E2F3: variants seen among roughly 807,000 people sequenced by gnomAD.
E2F3 encodes the protein transcription factor E2F3.
E2F3 carries 11 observed loss-of-function variants against 44.4 expected under a neutral mutation model. The observed-to-expected ratio is 0.25, with a 90% CI of 0.16 to 0.41. The LOEUF (loss-of-function observed/expected upper bound fraction) is 0.41. Ranked by LOEUF, E2F3 falls within the 10% of genes least tolerant of loss-of-function variation. E2F3 has a pLI of 1.00. For synonymous variants in E2F3, 249 were observed against 253.0 expected (o/e 0.98, Z 0.15); for missense variants, 487 against 583.6 (o/e 0.83, Z 1.70).
intron 1 of E2F3, among the ~76,000 whole-genome samples, chr6:20,471,841 A>G (rs1279352391): frequency 6.6e-6 from 1 of 152,198 alleles, no homozygotes; most frequent in East Asian, 1.9e-4. Context: ...CACCATTAAC[A>G]TTTGGTGTGG....
chr6:20,415,748 G>T (rs1471609989), intron 1 of E2F3, among the ~76,000 whole-genome samples: 1 of 152,156 alleles, frequency 6.6e-6, no homozygotes, highest in East Asian at 1.9e-4. Flanking sequence ...CCAGAACTGG[G>T]ATCCACTGCC....
chr6:20,490,228 C>T lies in E2F3; in HGVS notation c.1196C>T (p.Pro399Leu). Reference protein sequence around the residue: ...DCSVSMGNLSPLASPANLLQQ... With the variant: ...DCSVSMGNLSLLASPANLLQQ... ...TCAGTTTCTATGGGAAACCTTTCTC[C>T]TCTGGCCTCCCCAGCCAACCTCTTA... The change falls in exon 7 of 7, where the codon CCT becomes CTT. Residue 399 changes from proline (P) to leucine (L), a missense_variant. By Grantham distance (98) the Pro-to-Leu change is moderately conservative. Coordinates refer to ENST00000346618, the MANE Select transcript of E2F3 (RefSeq NM_001949.5). The surrounding 1 kb of genome is among the most constrained non-coding windows in gnomAD (Gnocchi z 4.3). 6.8e-6 allele frequency: 11 copies of T among 1,614,080 alleles called. No individual in the cohort carries two copies. Among genetic ancestry groups the T allele is most frequent in the Non-Finnish European group, 9.3e-6 (11 of 1,179,984 alleles).
intron 1 of E2F3, among the ~76,000 whole-genome samples, chr6:20,468,051 G>A (rs768832587): frequency 6.6e-6 from 1 of 152,160 alleles, no homozygotes; most frequent in Non-Finnish European, 1.5e-5. Context: ...GAACAAACTC[G>A]GTTTCTCCCA....
intron 1 of E2F3, among the ~76,000 whole-genome samples, chr6:20,467,335 T>C (rs565332251): frequency 6.6e-5 from 10 of 152,312 alleles, no homozygotes; most frequent in Admixed American, 3.9e-4. Flanking sequence ...GTATCAGCTG[T>C]TTCAGCTTGA....
At chr6:20,473,758 A>T (rs1489406234) in intron 1 of E2F3, among the ~76,000 whole-genome samples, 1 of 152,160 alleles carries the variant, frequency 6.6e-6, no homozygotes, top group Admixed American at 6.6e-5. Context: ...AATAATGCCC[A>T]GTGAAAAGAA....
chr6:20,475,884 C>A (rs1762027344), intron 1 of E2F3, among the ~76,000 whole-genome samples: 1 of 152,180 alleles, frequency 6.6e-6, no homozygotes, highest in African/African-American at 2.4e-5. Context: ...AAGCTGTTTT[C>A]TTTGAGGCGG....
chr6:20,439,912 A>T (rs966038917), intron 1 of E2F3: 3 of 152,210 alleles, frequency 2.0e-5, no homozygotes, highest in African/African-American at 7.2e-5. Flanking sequence ...TATACAATGG[A>T]AATACGTACA....
intron 3 of E2F3, 36 bp downstream of exon 3, chr6:20,481,461 G>T: frequency 6.3e-7 from 1 of 1,599,616 alleles, no homozygotes; most frequent in Non-Finnish European, 8.6e-7. Context: ...CGGCTCTGAG[G>T]GGGTCGTTTC....
chr6:20,487,049 T>C (rs1413675894), intron 5 of E2F3, among the ~76,000 whole-genome samples: 2 of 152,240 alleles, frequency 1.3e-5, no homozygotes, highest in African/African-American at 4.8e-5. Flanking sequence ...GCTGTCCCTC[T>C]CATACTTTCT....
At chr6:20,485,875 T>C (rs1762375494) in intron 4 of E2F3, among the ~76,000 whole-genome samples, 1 of 152,230 alleles carries the variant, frequency 6.6e-6, no homozygotes, top group Non-Finnish European at 1.5e-5. Context: ...ATGTATTTGT[T>C]ACTTATTTAT....
At chr6:20,438,789 G>A (rs552982718) in intron 1 of E2F3, among the ~76,000 whole-genome samples, 8 of 152,296 alleles carry the variant, frequency 5.3e-5, no homozygotes, top group African/African-American at 1.7e-4. Context: ...GGTTAAGTTA[G>A]CCAGATAATT....
At chr6:20,449,220 A>G (rs1474314546) in intron 1 of E2F3, among the ~76,000 whole-genome samples, 1 of 152,236 alleles carries the variant, frequency 6.6e-6, no homozygotes, top group Non-Finnish European at 1.5e-5. Flanking sequence ...AGAAACTTTT[A>G]TAAGAAGATA....
intron 1 of E2F3, among the ~76,000 whole-genome samples, chr6:20,405,954 C>A (rs185910866): frequency 5.3e-5 from 8 of 152,228 alleles, no homozygotes; most frequent in Non-Finnish European, 1.0e-4. Context: ...CCATGTAAGT[C>A]TTCGAATTTT....
chr6:20,477,495 G>C (rs1019352298), intron 1 of E2F3, among the ~76,000 whole-genome samples: 25 of 152,104 alleles, frequency 1.6e-4, no homozygotes, highest in Admixed American at 1.3e-4. Flanking sequence ...GCAGAGCTGG[G>C]CTTTGCCTGA....
chr6:20,402,753 C>T lies in E2F3; in HGVS notation c.393+128C>T, dbSNP rs1759350104. Reference sequence around the variant, plus strand: ...CGAGCATCGTGGGCCTCGGGGGCTGCCCCTCCAACGAGGGTTCATTGTTAG... The same window carrying T: ...CGAGCATCGTGGGCCTCGGGGGCTGTCCCTCCAACGAGGGTTCATTGTTAG... On this transcript the variant is annotated intron_variant, in intron 1 of 6. Transcript: ENST00000346618. The surrounding 1 kb of genome is among the most constrained non-coding windows in gnomAD (Gnocchi z 5.6). 1.6e-6 allele frequency: 2 copies of T among 1,245,394 alleles called. No homozygotes were observed. The highest frequency in any genetic ancestry group is 2.0e-6 in the Non-Finnish European group (2 of 995,706). The allele number at this position is 1,245,394 out of a possible 1,614,324, so 77.1% of individuals were successfully genotyped here. A position where few individuals can be genotyped will look rare whatever the true frequency, so the allele number is the denominator to read the frequency against.
Position 20,439,131 on chromosome 6 carries a change from C to T in E2F3, c.393+36506C>T, listed in dbSNP as rs143931055. ...AAACTTATCTCAAATTCTGACCAAA[C>T]ATTTTTCTACTAATTTTCCTAACTA... On this transcript the variant is annotated intron_variant, in intron 1 of 6. Coordinates refer to ENST00000346618, the MANE Select transcript of E2F3 (RefSeq NM_001949.5). Among the ~76,000 whole-genome samples, 26 of 152,220 alleles carry T rather than the reference C, an allele frequency of 1.7e-4. 1 individual carries two copies. The highest frequency in any genetic ancestry group is 2.9e-5 in the Non-Finnish European group (2 of 68,040).
chr6:20,450,132 T>A (rs1297510047), intron 1 of E2F3, among the ~76,000 whole-genome samples: 1 of 152,230 alleles, frequency 6.6e-6, no homozygotes, highest in East Asian at 1.9e-4. Context: ...TTTGAGTATA[T>A]ACCCAGAAAT....
intron 1 of E2F3, among the ~76,000 whole-genome samples, chr6:20,422,323 T>C (rs1371002105): frequency 6.6e-6 from 1 of 152,234 alleles, no homozygotes. Flanking sequence ...GGCCTTGCTC[T>C]GGATTAGGCT....
chr6:20,405,817 G>A (rs1190216158), intron 1 of E2F3, among the ~76,000 whole-genome samples: 2 of 152,118 alleles, frequency 1.3e-5, no homozygotes, highest in Admixed American at 6.5e-5. Context: ...GCGAGATTCC[G>A]TCTCAAAAAA....
Sources: gnomAD v4.1 joint callset for allele counts (sites outside exome capture counted in the v4.1 genomes callset) on GRCh38, gnomAD v4.1.1 for gene constraint, Gnocchi (gnomAD v3.1) non-coding constraint, MANE v1.5 for transcripts, NCBI Gene and HGNC (gene_info 2026-07-23, HGNC 2026-07-21) for gene names.